IL17D: variants seen among roughly 807,000 people sequenced by gnomAD.
IL17D encodes interleukin 17D.
A neutral mutation model predicts 5.7 loss-of-function variants in IL17D; 10 were observed. That is an observed-to-expected ratio of 1.75 (90% CI 1.08 to 2.97). The LOEUF (loss-of-function observed/expected upper bound fraction) is 2.97, where lower values mean the gene tolerates loss of function less well. Ranked by LOEUF, IL17D falls within the 30% of genes most tolerant of loss-of-function variation. IL17D has a pLI of 0.00. For missense variants in IL17D, 354 were observed against 292.7 expected (o/e 1.21, Z -1.53); for synonymous variants, 172 against 141.7 (o/e 1.21, Z -1.52).
At chr13:20,707,882 C>G (rs977611819) in intron 1 of IL17D, among the ~76,000 whole-genome samples, 2 of 152,100 alleles carry the variant, frequency 1.3e-5, no homozygotes, top group African/African-American at 4.8e-5. Context: ...GAGTGCCCAC[C>G]TGCAGGCTGG....
At position 20,722,011 on chromosome 13, in the gene IL17D, A is replaced by T; in HGVS notation, c.*57A>T. On this transcript the variant is annotated 3_prime_UTR_variant, in exon 2 of 2. Transcript: ENST00000682841. ...CCGCATCCCGAGGCGCCCAAGCTGG[A>T]GCCGCCTGGAGGGCTCGGTCGGCGA... The T allele has an allele frequency of 7.0e-7, 1 of 1,418,510 alleles. No homozygotes were observed. Among genetic ancestry groups the T allele is most frequent in the Non-Finnish European group, 9.3e-7 (1 of 1,070,260 alleles). The allele number at this position is 1,418,510 out of a possible 1,614,324, so 87.9% of individuals were successfully genotyped here. A position where few individuals can be genotyped will look rare whatever the true frequency, so the allele number is the denominator to read the frequency against.
At chr13:20,709,012 T>C (rs1383261700) in intron 1 of IL17D, among the ~76,000 whole-genome samples, 5 of 143,718 alleles carry the variant, frequency 3.5e-5, no homozygotes, top group African/African-American at 7.7e-5. Context: ...AGTGACATCA[T>C]GGAAAGATGA....
upstream of IL17D, chr13:20,703,527 G>A (rs992405558): frequency 6.0e-6 from 4 of 665,086 alleles, no homozygotes; most frequent in African/African-American, 3.9e-5. Context: ...GGCGGATGAC[G>A]AGGCGCAGGG....
At chr13:20,714,978 C>A (rs1251563359) in intron 1 of IL17D, among the ~76,000 whole-genome samples, 1 of 152,158 alleles carries the variant, frequency 6.6e-6, no homozygotes, top group Non-Finnish European at 1.5e-5. Flanking sequence ...CCGGCCCTGG[C>A]CCCACAGCCG....
intron 1 of IL17D, among the ~76,000 whole-genome samples, chr13:20,717,576 G>C (rs1343756924): frequency 2.0e-5 from 3 of 152,204 alleles, no homozygotes; most frequent in Non-Finnish European, 4.4e-5. Flanking sequence ...TCCTTCCAAA[G>C]GCACAGGCCT....
At chr13:20,711,270 AAG>A (rs56240142) in intron 1 of IL17D, among the ~76,000 whole-genome samples, 47,623 of 147,546 alleles carry the variant, frequency 0.32, 8,572 homozygotes, top group East Asian at 0.76. Flanking sequence ...GTCTCAAAAA[AAG>A]AAAAAAAAAA....
At chr13:20,708,679 A>G (rs1268219159) in intron 1 of IL17D, among the ~76,000 whole-genome samples, 3 of 151,928 alleles carry the variant, frequency 2.0e-5, no homozygotes, top group Non-Finnish European at 2.9e-5. Context: ...GCTCATTCCT[A>G]AAGAGCTCCC....
intron 1 of IL17D, among the ~76,000 whole-genome samples, chr13:20,715,257 C>G (rs1017155295): frequency 7.5e-5 from 4 of 53,608 alleles, no homozygotes; most frequent in African/African-American, 1.9e-4. Flanking sequence ...GAATCAGAAT[C>G]TCTGGGGGTG....
intron 1 of IL17D, among the ~76,000 whole-genome samples, chr13:20,709,791 G>A (rs537979759): frequency 3.9e-5 from 6 of 152,268 alleles, no homozygotes; most frequent in African/African-American, 9.6e-5. Context: ...CTCCAACCAC[G>A]AGAAAAAAGC....
chr13:20,719,618 G>A (rs41364445), intron 1 of IL17D, among the ~76,000 whole-genome samples: 4 of 152,344 alleles, frequency 2.6e-5, no homozygotes, highest in Non-Finnish European at 4.4e-5. Context: ...ATTAGGACGA[G>A]TTCCCATATA....
At position 20,703,728 on chromosome 13, in the gene IL17D, G is replaced by T. The variant is rs1395248818; in HGVS notation, c.-274G>T. 1 of 146,710 alleles carries T rather than the reference G, an allele frequency of 6.8e-6. No homozygotes were observed. The highest frequency in any genetic ancestry group is 2.0e-4 in the East Asian group (1 of 4,954). The allele number at this position is 146,710 out of a possible 1,614,324, so 9.1% of individuals were successfully genotyped here. A position where few individuals can be genotyped will look rare whatever the true frequency, so the allele number is the denominator to read the frequency against. On this transcript the variant is annotated 5_prime_UTR_variant, in exon 1 of 2. Coordinates refer to ENST00000682841, the MANE Select transcript of IL17D (RefSeq NM_001385224.1). ...GCGCCCCGCACCCGCCCCCCGTGCG[G>T]CCCCCGGCTCGGGGCGGCGGCGGCG...
At chr13:20,708,531 C>T (rs1469326831) in intron 1 of IL17D, among the ~76,000 whole-genome samples, 1 of 152,142 alleles carries the variant, frequency 6.6e-6, no homozygotes, top group African/African-American at 2.4e-5. Flanking sequence ...TTTAGCTGCT[C>T]ACAGTCCCCA....
rs963305025 is a variant in IL17D, at chr13:20,704,276, C to A, written c.275C>A (p.Ser92Ter). Residue 92 changes from serine (S) to a stop codon, truncating the protein, a stop_gained, in exon 1 of 2, where the codon TCG (serine) becomes TAG (stop). Coordinates refer to ENST00000682841, the MANE Select transcript of IL17D (RefSeq NM_001385224.1). LOFTEE classifies it high-confidence loss of function. ...FRPPTNLRSV[S>*]PWAYRISYDP... ...CCGCCCACCAACCTGCGCAGCGTGT[C>A]GCCCTGGGCCTACAGGTGAGCCGCG... 54 of 1,256,370 alleles carry A rather than the reference C, an allele frequency of 4.3e-5. No individual in the cohort carries two copies. The African/African-American group carries it at 7.4e-4, about 17-fold the overall frequency. 77.8% of individuals were successfully genotyped at this position (1,256,370 alleles called of 1,614,324 possible).
At chr13:20,704,980 C>T (rs1294015814) in intron 1 of IL17D, among the ~76,000 whole-genome samples, 2 of 152,116 alleles carry the variant, frequency 1.3e-5, no homozygotes, top group South Asian at 2.1e-4. Flanking sequence ...TGAACAGTTT[C>T]GAGAGTATTT....
chr13:20,701,919 G>T (rs1306143062), upstream of IL17D: 1 of 152,142 alleles, frequency 6.6e-6, no homozygotes, highest in African/African-American at 2.4e-5. Flanking sequence ...AATCCGGGGG[G>T]GTGGTGAGGA....
At chr13:20,721,329 C>T (rs532332716) in intron 1 of IL17D, among the ~76,000 whole-genome samples, 2 of 152,342 alleles carry the variant, frequency 1.3e-5, no homozygotes, top group South Asian at 4.1e-4. Context: ...CAGGGCGCCT[C>T]ATTCTGTTCT....
chr13:20,709,448 A>G (rs950895270), intron 1 of IL17D, among the ~76,000 whole-genome samples: 5 of 152,218 alleles, frequency 3.3e-5, no homozygotes, highest in Middle Eastern at 3.2e-3. Context: ...ATAAGGAAGA[A>G]TGAGGCAGCT....
At chr13:20,707,608 C>CCTT (rs1243900470) in intron 1 of IL17D, among the ~76,000 whole-genome samples, 1 of 152,154 alleles carries the variant, frequency 6.6e-6, no homozygotes, top group Non-Finnish European at 1.5e-5. Flanking sequence ...GCAGCCTTGA[C>CCTT]CTTCTAGGCT....
At position 20,716,091 on chromosome 13, in the gene IL17D, C is replaced by T. The variant is rs555391891; in HGVS notation, c.291-5545C>T. On this transcript the variant is annotated intron_variant, in intron 1 of 1. Transcript: ENST00000682841. The surrounding 1 kb of genome is among the most constrained non-coding windows in gnomAD (Gnocchi z 4.2). ...AGGCCTCATGCCGGTGGTCTGAAAA[C>T]CACATTTTGGAAATCTTGTTTATGC... 1 of 985,184 alleles carries T rather than the reference C, an allele frequency of 1.0e-6. No individual in the cohort carries two copies. Among genetic ancestry groups the T allele is most frequent in the African/African-American group, 1.7e-5 (1 of 57,200 alleles). 61.0% of individuals were successfully genotyped at this position (985,184 alleles called of 1,614,324 possible).
Sources: allele counts gnomAD v4.1 joint callset (sites outside exome capture counted in the v4.1 genomes callset), GRCh38; gene constraint gnomAD v4.1.1; non-coding constraint Gnocchi (gnomAD v3.1); transcripts MANE v1.5; gene names NCBI Gene and HGNC (gene_info 2026-07-23, HGNC 2026-07-21).